Variants in APBB2 observed in about 807,000 individuals in gnomAD.
The protein encoded by APBB2 is amyloid beta precursor protein binding family B member 2.
A neutral mutation model predicts 82.5 loss-of-function variants in APBB2; 38 were observed. That is an observed-to-expected ratio of 0.46 (90% CI 0.36 to 0.60). The LOEUF is 0.60. APBB2 is among the 20% of genes least tolerant of loss of function. The pLI, the probability that APBB2 is intolerant of heterozygous loss-of-function variation, is 0.00. For missense variants in APBB2, 772 were observed against 972.3 expected (o/e 0.79, Z 2.74); for synonymous variants, 341 against 368.2 (o/e 0.93, Z 0.85).
At chr4:40,874,524 G>T (rs1362044409) in intron 12 of APBB2, among the ~76,000 whole-genome samples, 7 of 152,062 alleles carry the variant, frequency 4.6e-5, no homozygotes, top group Non-Finnish European at 5.9e-5. Context: ...AGGGCGGGGG[G>T]TGGAGATAAG....
At chr4:40,890,762 T>C in intron 11 of APBB2, 1 of 330,434 alleles carries the variant, frequency 3.0e-6, no homozygotes, top group Admixed American at 4.8e-5. Context: ...TTATTTACAC[T>C]TCTGAATCTT....
chr4:41,074,889 C>G (rs1225229805), intron 3 of APBB2, among the ~76,000 whole-genome samples: 1 of 152,140 alleles, frequency 6.6e-6, no homozygotes, highest in African/African-American at 2.4e-5. Flanking sequence ...TGGCTCATGC[C>G]TGTAATCCCA....
intron 6 of APBB2, among the ~76,000 whole-genome samples, chr4:40,982,395 GGA>G (rs1491415333): frequency 3.1e-5 from 1 of 32,530 alleles, no homozygotes. Flanking sequence ...AGGAAGGAAA[GGA>G]AAGGAAAGAA....
In APBB2 at chr4:40,816,126, A is replaced by C. The variant is rs1745539334; in HGVS notation, c.2246T>G (p.Leu749Trp). 6.2e-7 allele frequency: 1 copy of C among 1,614,056 alleles called. No homozygotes were observed. Among genetic ancestry groups the C allele is most frequent in the Non-Finnish European group, 8.5e-7 (1 of 1,179,954 alleles). The change falls in exon 18 of 18, where the codon TTG becomes TGG. Residue 749 changes from leucine to tryptophan, a missense_variant. Leu to Trp is a moderately conservative substitution (Grantham distance 61). Coordinates refer to ENST00000508593, the MANE Select transcript of APBB2 (RefSeq NM_004307.2). ...TTCGGTGACAGGGCGTTTCTGTTTCAAAGTGTCAATGAGGGATAAGACCCC... is the reference window on the plus strand; with the variant it reads ...TTCGGTGACAGGGCGTTTCTGTTTCCAAGTGTCAATGAGGGATAAGACCCC... Reference protein sequence around the residue: ...KRGVLSLIDTLKQKRPVTEMP With the variant: ...KRGVLSLIDTWKQKRPVTEMP
At chr4:40,828,312 G>A (rs1305443900) in intron 13 of APBB2, among the ~76,000 whole-genome samples, 1 of 152,198 alleles carries the variant, frequency 6.6e-6, no homozygotes, top group Non-Finnish European at 1.5e-5. Context: ...ATACAGTGCT[G>A]TGGGTTTAGG....
intron 12 of APBB2, among the ~76,000 whole-genome samples, chr4:40,867,737 A>G (rs1441607227): frequency 6.6e-6 from 1 of 152,204 alleles, no homozygotes; most frequent in Non-Finnish European, 1.5e-5. Context: ...GAGACTGCTT[A>G]GCCTACAAAA....
chr4:41,164,612 CA>C (rs1045791349), intron 1 of APBB2, among the ~76,000 whole-genome samples: 11 of 152,214 alleles, frequency 7.2e-5, no homozygotes, highest in Middle Eastern at 3.4e-3. Context: ...CTTTGAAAAA[CA>C]AAACAAAACA....
intron 12 of APBB2, among the ~76,000 whole-genome samples, chr4:40,863,278 T>C (rs73242088): frequency 0.25 from 38,327 of 152,162 alleles, 5,312 homozygotes; most frequent in Non-Finnish European, 0.32. Flanking sequence ...CATGGGTACA[T>C]TTCTGAGGGT....
intron 3 of APBB2, among the ~76,000 whole-genome samples, chr4:41,071,823 T>C (rs759905153): frequency 9.2e-5 from 14 of 152,232 alleles, no homozygotes; most frequent in Non-Finnish European, 1.8e-4. Context: ...AATTTTTTTT[T>C]CTAAAAGGTA....
chr4:40,944,187 C>T (rs544506835), intron 7 of APBB2, among the ~76,000 whole-genome samples: 3 of 152,304 alleles, frequency 2.0e-5, no homozygotes, highest in South Asian at 2.1e-4. Flanking sequence ...AACTCTAATT[C>T]TCTTGAACAG....
intron 10 of APBB2, among the ~76,000 whole-genome samples, chr4:40,906,464 C>CA (rs5857755): frequency 0.034 from 2,310 of 67,920 alleles, 121 homozygotes; most frequent in African/African-American, 0.1. Flanking sequence ...AAACCTGTCT[C>CA]AAAAAAAAAA....
intron 2 of APBB2, among the ~76,000 whole-genome samples, chr4:41,103,501 A>C (rs1192972968): frequency 6.6e-6 from 1 of 152,150 alleles, no homozygotes; most frequent in Non-Finnish European, 1.5e-5. Context: ...CACAATACTC[A>C]ACAATGGATA....
intron 6 of APBB2, among the ~76,000 whole-genome samples, chr4:40,999,393 T>G (rs1804530342): frequency 6.6e-6 from 1 of 152,190 alleles, no homozygotes; most frequent in Admixed American, 6.5e-5. Flanking sequence ...CAGTGAGCTG[T>G]GACTGCACCA....
At chr4:41,180,082 CA>C (rs1159436715) in intron 1 of APBB2, among the ~76,000 whole-genome samples, 8 of 152,072 alleles carry the variant, frequency 5.3e-5, no homozygotes, top group Admixed American at 5.2e-4. Flanking sequence ...AGTACAGGAA[CA>C]AAACAGCTCT....
chr4:41,171,551 T>C (rs772656156), intron 1 of APBB2, among the ~76,000 whole-genome samples: 1 of 152,238 alleles, frequency 6.6e-6, no homozygotes, highest in Non-Finnish European at 1.5e-5. Context: ...AAAGGTCTAG[T>C]GACTGTTCGA....
intron 1 of APBB2, among the ~76,000 whole-genome samples, chr4:41,181,957 A>G (rs985567935): frequency 1.4e-4 from 21 of 151,792 alleles, no homozygotes; most frequent in East Asian, 5.8e-4. Flanking sequence ...AAAAAAAAAA[A>G]AAAAGAAAAA....
chr4:40,839,445 T>C (rs1374228861), intron 12 of APBB2, among the ~76,000 whole-genome samples: 1 of 152,100 alleles, frequency 6.6e-6, no homozygotes, highest in African/African-American at 2.4e-5. Flanking sequence ...TCTCTGTTGT[T>C]GGGATTCCTT....
chr4:41,136,267 T>A (rs1203826293), intron 2 of APBB2, among the ~76,000 whole-genome samples: 1 of 152,072 alleles, frequency 6.6e-6, no homozygotes, highest in Non-Finnish European at 1.5e-5. Flanking sequence ...TATACTACAC[T>A]CCTCATGGAG....
chr4:40,935,208 A>G (rs902039452), intron 7 of APBB2, 69 bp from the exon 8 acceptor site: 30 of 1,145,440 alleles, frequency 2.6e-5, no homozygotes, highest in African/African-American at 1.4e-4. Flanking sequence ...AAAAGAAAAA[A>G]AAAAAACACA....
Sources: gnomAD v4.1 joint callset for allele counts (sites outside exome capture counted in the v4.1 genomes callset) on GRCh38, gnomAD v4.1.1 for gene constraint, MANE v1.5 for transcripts, NCBI Gene and HGNC (gene_info 2026-07-23, HGNC 2026-07-21) for gene names.